The following SUGCT variants were observed in gnomAD, a reference collection of about 807,000 sequenced individuals.
SUGCT encodes succinyl-CoA:glutarate CoA-transferase.
In SUGCT, 41 loss-of-function variants were observed where a neutral mutation model predicts 55.0. That is an observed-to-expected ratio of 0.74 (90% CI 0.58 to 0.97). The LOEUF (loss-of-function observed/expected upper bound fraction) is 0.97, where lower values mean the gene tolerates loss of function less well. SUGCT is among the 50% of genes least tolerant of loss of function. SUGCT has a pLI of 0.00. For synonymous variants in SUGCT, 187 were observed against 200.4 expected (o/e 0.93, Z 0.56); for missense variants, 568 against 547.8 (o/e 1.04, Z -0.37).
the SUGCT span, among the ~76,000 whole-genome samples, chr7:40,920,392 G>C: frequency 2.0e-5 from 3 of 152,070 alleles, no homozygotes; most frequent in Non-Finnish European, 4.4e-5. Flanking sequence ...CAGAAGCCCT[G>C]GAAAGTTCAA....
At chr7:40,525,709 A>G (rs1021064790) in intron 12 of SUGCT, among the ~76,000 whole-genome samples, 1 of 152,210 alleles carries the variant, frequency 6.6e-6, no homozygotes, top group Non-Finnish European at 1.5e-5. Flanking sequence ...TGATAGAGTT[A>G]TAGAACTAAA....
At chr7:40,930,158 C>A in the SUGCT span, among the ~76,000 whole-genome samples, 7,162 of 152,234 alleles carry the variant, frequency 0.047, 229 homozygotes, top group East Asian at 0.14. Flanking sequence ...GTTTTCCCAG[C>A]ACCATTTATT....
At chr7:40,332,831 T>C (rs768446153) in intron 9 of SUGCT, among the ~76,000 whole-genome samples, 69 of 152,180 alleles carry the variant, frequency 4.5e-4, no homozygotes, top group Non-Finnish European at 8.4e-4. Context: ...AGAGGAAGCA[T>C]GAGACCCAAT....
chr7:40,629,135 C>T (rs564327728), intron 12 of SUGCT, among the ~76,000 whole-genome samples: 6 of 152,252 alleles, frequency 3.9e-5, no homozygotes, highest in Non-Finnish European at 7.4e-5. Context: ...TCCAAAGCTC[C>T]TTCTTGAGTA....
chr7:40,148,907 T>G (rs1321294967), intron 1 of SUGCT, among the ~76,000 whole-genome samples: 1 of 152,216 alleles, frequency 6.6e-6, no homozygotes, highest in Non-Finnish European at 1.5e-5. Context: ...AGGCTTTATC[T>G]TCTGAAAGGG....
intron 9 of SUGCT, among the ~76,000 whole-genome samples, chr7:40,387,312 C>T (rs1157304593): frequency 1.3e-5 from 2 of 151,974 alleles, no homozygotes; most frequent in Non-Finnish European, 2.9e-5. Context: ...ATTTCTTTAC[C>T]ATGGGGAACT....
intron 12 of SUGCT, among the ~76,000 whole-genome samples, chr7:40,719,953 G>T (rs990034330): frequency 6.6e-6 from 1 of 151,954 alleles, no homozygotes; most frequent in Non-Finnish European, 1.5e-5. Context: ...CTGCCACTAC[G>T]CCCGGCTAAT....
intron 8 of SUGCT, among the ~76,000 whole-genome samples, chr7:40,308,493 A>C (rs2151092246): frequency 6.6e-6 from 1 of 152,232 alleles, no homozygotes; most frequent in East Asian, 1.9e-4. Flanking sequence ...TAATTATAGA[A>C]ATCAACACCT....
the SUGCT span, among the ~76,000 whole-genome samples, chr7:40,906,022 C>T: frequency 9.8e-3 from 1,494 of 152,276 alleles, 32 homozygotes; most frequent in African/African-American, 0.035. Flanking sequence ...CTGCACCCTG[C>T]CATCATTTTA....
At chr7:40,764,513 T>C (rs530481711) in intron 13 of SUGCT, among the ~76,000 whole-genome samples, 1 of 152,102 alleles carries the variant, frequency 6.6e-6, no homozygotes, top group African/African-American at 2.4e-5. Context: ...GGCTTTCTTC[T>C]TTTCTTCAAA....
At chr7:40,663,883 T>C (rs759447875) in intron 12 of SUGCT, among the ~76,000 whole-genome samples, 23 of 152,164 alleles carry the variant, frequency 1.5e-4, no homozygotes, top group Admixed American at 1.4e-3. Flanking sequence ...AATTCACATA[T>C]TGAAGTCCTA....
intron 12 of SUGCT, among the ~76,000 whole-genome samples, chr7:40,677,177 A>G (rs1354837114): frequency 6.6e-6 from 1 of 152,140 alleles, no homozygotes; most frequent in Non-Finnish European, 1.5e-5. Flanking sequence ...CTGTTTCCAA[A>G]CAGAAAGAGT....
chr7:40,959,269 C>G, the SUGCT span, among the ~76,000 whole-genome samples: 5 of 152,238 alleles, frequency 3.3e-5, no homozygotes, highest in African/African-American at 7.2e-5. Context: ...GTGCCCACAG[C>G]TGCACCTTCT....
At chr7:40,885,263 T>G in the SUGCT span, among the ~76,000 whole-genome samples, 1 of 152,150 alleles carries the variant, frequency 6.6e-6, no homozygotes, top group African/African-American at 2.4e-5. Context: ...CCACAGCAGA[T>G]GTACTGGCTT....
intron 12 of SUGCT, among the ~76,000 whole-genome samples, chr7:40,722,373 C>T (rs1786387700): frequency 6.6e-6 from 1 of 152,320 alleles, no homozygotes; most frequent in Admixed American, 6.5e-5. Context: ...AATAAATACA[C>T]ATATAATCAA....
At chr7:41,022,368 G>T in the SUGCT span, among the ~76,000 whole-genome samples, 15 of 152,278 alleles carry the variant, frequency 9.9e-5, no homozygotes, top group Admixed American at 6.5e-4. Flanking sequence ...TTCTACTCAG[G>T]AGAGAAAGCA....
chr7:40,785,725 G>C (rs1219431895), intron 13 of SUGCT, among the ~76,000 whole-genome samples: 1 of 152,090 alleles, frequency 6.6e-6, no homozygotes, highest in Non-Finnish European at 1.5e-5. Context: ...TCAGAGTGAA[G>C]AATTGTAATT....
chr7:40,348,901 A>G (rs964844146), intron 9 of SUGCT, among the ~76,000 whole-genome samples: 1 of 152,202 alleles, frequency 6.6e-6, no homozygotes, highest in Non-Finnish European at 1.5e-5. Context: ...AAGGAAGAAC[A>G]TATTTCCCTG....
chr7:40,772,814 A>G (rs913325879), intron 13 of SUGCT, among the ~76,000 whole-genome samples: 3 of 152,064 alleles, frequency 2.0e-5, no homozygotes, highest in Non-Finnish European at 4.4e-5. Context: ...CAGTAGAGGC[A>G]GAGTTTCACC....
Sources: allele counts gnomAD v4.1 joint callset (sites outside exome capture counted in the v4.1 genomes callset), GRCh38; gene constraint gnomAD v4.1.1; transcripts MANE v1.5; gene names NCBI Gene and HGNC (gene_info 2026-07-23, HGNC 2026-07-21).